The following NTRK3 variants were observed in gnomAD, a reference collection of about 807,000 sequenced individuals.
NTRK3 encodes the protein neurotrophic receptor tyrosine kinase 3.
NTRK3 carries 24 observed loss-of-function variants against 91.7 expected under a neutral mutation model. That is an observed-to-expected ratio of 0.26 (90% CI 0.19 to 0.37). The LOEUF is 0.37. Among genes scored for constraint, NTRK3 ranks in the 10% least tolerant of loss-of-function variants. NTRK3 has a pLI of 1.00. For synonymous variants in NTRK3, 483 were observed against 404.0 expected (o/e 1.20, Z -2.34); for missense variants, 880 against 1,068.9 (o/e 0.82, Z 2.46).
In NTRK3 at chr15:88,241,008, A is replaced by C. The variant is rs8026216; in HGVS notation, c.248+14898T>G. Among the ~76,000 whole-genome samples, 131,004 of 152,204 alleles carry C rather than the reference A, an allele frequency of 0.86. 56,547 individuals carry two copies. The highest frequency in any genetic ancestry group is 0.99 in the East Asian group (5,111 of 5,152). On this transcript the variant is annotated intron_variant, in intron 3 of 18. Coordinates refer to ENST00000394480, the Ensembl canonical transcript of NTRK3. This position sits in a 1 kb window ranked among gnomAD's most constrained non-coding sequence, Gnocchi z 4.3. ...TTCTGGTGCAGGAAATGAGCCTGTT[A>C]CAGTCCACAGGTCTTTACTGAACAC... is the stretch of plus-strand genomic sequence containing the variant.
intron 10 of NTRK3, among the ~76,000 whole-genome samples, chr15:88,131,109 G>A (rs1172011196): frequency 2.0e-5 from 3 of 152,242 alleles, no homozygotes; most frequent in Non-Finnish European, 4.4e-5. Flanking sequence ...TTCTAATTCA[G>A]TAGACCTGGG....
At chr15:88,007,114 G>C (rs1020482397) in intron 14 of NTRK3, among the ~76,000 whole-genome samples, 3 of 152,190 alleles carry the variant, frequency 2.0e-5, no homozygotes, top group African/African-American at 7.2e-5. Context: ...ATGTGGACAA[G>C]CCTGAACCAA....
chr15:87,884,679 T>G (rs1252211235), intron 17 of NTRK3, among the ~76,000 whole-genome samples: 2 of 151,742 alleles, frequency 1.3e-5, no homozygotes, highest in African/African-American at 4.8e-5. Flanking sequence ...ACCCTAGAAA[T>G]GTAAGAATGT....
chr15:88,180,555 G>A (rs186947657), intron 5 of NTRK3, among the ~76,000 whole-genome samples: 42 of 152,240 alleles, frequency 2.8e-4, no homozygotes, highest in Non-Finnish European at 2.9e-5. Flanking sequence ...TAGCTTAGGG[G>A]TGGGAGACAG....
At chr15:87,947,682 T>C (rs1422581648) in intron 14 of NTRK3, among the ~76,000 whole-genome samples, 2 of 151,664 alleles carry the variant, frequency 1.3e-5, no homozygotes, top group African/African-American at 4.8e-5. Context: ...AGGGAGATTC[T>C]TGGCAGGAGA....
At chr15:88,089,965 C>A (rs918820797) in intron 13 of NTRK3, among the ~76,000 whole-genome samples, 1 of 152,198 alleles carries the variant, frequency 6.6e-6, no homozygotes, top group African/African-American at 2.4e-5. Flanking sequence ...CCTGCACCAC[C>A]GGTCCAGCCA....
chr15:87,981,399 T>C (rs747543531), intron 14 of NTRK3: 9 of 1,613,684 alleles, frequency 5.6e-6, no homozygotes, highest in Non-Finnish European at 7.6e-6. Context: ...TAATGGTCAG[T>C]ATTAAACCCC....
At chr15:88,230,003 T>C (rs1422806643) in intron 3 of NTRK3, among the ~76,000 whole-genome samples, 1 of 152,202 alleles carries the variant, frequency 6.6e-6, no homozygotes. Flanking sequence ...AGAGAGACCA[T>C]AGACTGTCAT....
intron 13 of NTRK3, among the ~76,000 whole-genome samples, chr15:88,115,607 A>T (rs900128556): frequency 3.3e-5 from 5 of 152,178 alleles, no homozygotes; most frequent in Non-Finnish European, 7.4e-5. Flanking sequence ...GCCCCTTTGA[A>T]TTCAAGATGC....
intron 17 of NTRK3, among the ~76,000 whole-genome samples, chr15:87,886,709 C>CACATATAT (rs2065571759): frequency 1.2e-4 from 7 of 60,600 alleles, no homozygotes; most frequent in African/African-American, 3.1e-4. Context: ...TACATATATA[C>CACATATAT]ACACACACAC....
chr15:87,917,489 T>C (rs1401982338), intron 17 of NTRK3, among the ~76,000 whole-genome samples: 1 of 152,218 alleles, frequency 6.6e-6, no homozygotes, highest in Non-Finnish European at 1.5e-5. Flanking sequence ...GCTCCGTTGT[T>C]TCTAACACTT....
At chr15:87,871,370 C>A (rs77056854) in exon 19 of NTRK3, 309 of 231,346 alleles carry the variant, frequency 1.3e-3, no homozygotes, top group African/African-American at 6.6e-3. Flanking sequence ...AATGCAGTGA[C>A]ACAAACATTC....
chr15:88,091,276 T>TG (rs2048990848), intron 13 of NTRK3, among the ~76,000 whole-genome samples: 1 of 152,168 alleles, frequency 6.6e-6, no homozygotes, highest in Non-Finnish European at 1.5e-5. Flanking sequence ...CTCTTAAAGC[T>TG]GGGGAAGGAA....
chr15:87,917,967 T>A (rs1014376916), intron 17 of NTRK3, among the ~76,000 whole-genome samples: 4 of 151,526 alleles, frequency 2.6e-5, no homozygotes, highest in African/African-American at 9.7e-5. Flanking sequence ...TGAAGACACA[T>A]CCTGACCCTC....
exon 19 of NTRK3, chr15:87,864,477 T>C (rs879785814): frequency 3.0e-5 from 7 of 229,726 alleles, no homozygotes; most frequent in Non-Finnish European, 6.0e-5. Context: ...ATTCCCCAAA[T>C]GATATCTCTG....
At chr15:87,912,929 AAAATATATATAT>A (rs1367789811) in intron 17 of NTRK3, among the ~76,000 whole-genome samples, 49 of 15,092 alleles carry the variant, frequency 3.2e-3, no homozygotes, top group Middle Eastern at 0.045. Flanking sequence ...AAAGTAAAAA[AAAATATATATAT>A]ATATATATAT....
intron 5 of NTRK3, among the ~76,000 whole-genome samples, chr15:88,153,465 G>A (rs917542260): frequency 2.0e-5 from 3 of 152,072 alleles, no homozygotes. Context: ...ATGTTGGTCA[G>A]GCTGGTCTCA....
intron 14 of NTRK3, among the ~76,000 whole-genome samples, chr15:88,004,096 C>T (rs1036136439): frequency 1.3e-5 from 2 of 152,092 alleles, no homozygotes; most frequent in Admixed American, 6.5e-5. Context: ...TAGGCTTTCC[C>T]TTACCTCTCT....
rs28453130 is a variant in NTRK3, at chr15:88,056,899, G to A, written c.1397-23854C>T. ...ACAAAGAAATGTGTCGGCCGGGCGCGGTGGCTCACGCCTGTAATCCCAGCA... is the reference window on the plus strand; with the variant it reads ...ACAAAGAAATGTGTCGGCCGGGCGCAGTGGCTCACGCCTGTAATCCCAGCA... On this transcript the variant is annotated intron_variant, in intron 13 of 18. Coordinates refer to ENST00000394480, the Ensembl canonical transcript of NTRK3. Among the ~76,000 whole-genome samples the A allele has an allele frequency of 5.5e-3, 838 of 152,284 alleles. 11 individuals carry two copies. Among genetic ancestry groups the A allele is most frequent in the African/African-American group, 0.019 (792 of 41,560 alleles).
Sources: allele counts gnomAD v4.1 joint callset (sites outside exome capture counted in the v4.1 genomes callset), GRCh38; gene constraint gnomAD v4.1.1; non-coding constraint Gnocchi (gnomAD v3.1); transcripts MANE v1.5; gene names NCBI Gene and HGNC (gene_info 2026-07-23, HGNC 2026-07-21).